The following APOLD1 variants were observed in gnomAD, a reference collection of about 807,000 sequenced individuals.
The protein encoded by APOLD1 is apolipoprotein L domain containing 1.
Under a neutral mutation model 15.3 loss-of-function variants are expected in APOLD1, and 22 were observed. That is an observed-to-expected ratio of 1.44 (90% confidence interval 1.03 to 2.05). The LOEUF (loss-of-function observed/expected upper bound fraction) is 2.05. Among genes scored for constraint, APOLD1 ranks in the 30% most tolerant of loss-of-function variants. The pLI, the probability that APOLD1 is intolerant of heterozygous loss-of-function variation, is 0.00. For missense variants in APOLD1, 394 were observed against 353.5 expected (o/e 1.11, Z -0.92); for synonymous variants, 190 against 167.4 (o/e 1.13, Z -1.04).
rs1565428826 is a variant in APOLD1, at chr12:12,746,518, C to CATAAATAA, written c.96+20429_96+20430insAATAAATA. Reference sequence around the variant, plus strand: ...TCTCAAATAAATAAATAAATAAATACATAAATACATACATACATATTGCTC... The same window carrying CATAAATAA: ...TCTCAAATAAATAAATAAATAAATACATAAATAAATAAATACATACATACATATTGCTC... On this transcript the variant is annotated intron_variant, in intron 1 of 1. Coordinates refer to the APOLD1 transcript ENST00000326765. Among the ~76,000 whole-genome samples the CATAAATAA allele has an allele frequency of 6.5e-5, 6 of 92,158 alleles. No homozygotes were observed. The East Asian group carries it at 9.6e-4, about 15-fold the overall frequency. The allele number at this position is 92,158 out of a possible 152,430, so 60.5% of individuals were successfully genotyped here. A position where few individuals can be genotyped will look rare whatever the true frequency, so the allele number is the denominator to read the frequency against.
At chr12:12,776,418 A>C (rs948557816) in intron 1 of APOLD1, among the ~76,000 whole-genome samples, 5 of 152,258 alleles carry the variant, frequency 3.3e-5, no homozygotes, top group Non-Finnish European at 5.9e-5. Context: ...GTATCCTGGA[A>C]GATAAGAGAA....
chr12:12,783,460 G>GCCA (rs1947100281), upstream of APOLD1, among the ~76,000 whole-genome samples: 1 of 151,616 alleles, frequency 6.6e-6, no homozygotes, highest in Non-Finnish European at 1.5e-5. Flanking sequence ...ACAGGAGCAC[G>GCCA]CCACCACACA....
chr12:12,730,073 TGTGTGA>T (rs1415948952), intron 1 of APOLD1, among the ~76,000 whole-genome samples: 15 of 43,964 alleles, frequency 3.4e-4, no homozygotes, highest in African/African-American at 1.8e-3. Flanking sequence ...TGTGTGTGTG[TGTGTGA>T]GAGAGAGAGA....
intron 1 of APOLD1, among the ~76,000 whole-genome samples, chr12:12,764,214 C>T (rs182966877): frequency 3.3e-5 from 5 of 152,274 alleles, no homozygotes; most frequent in African/African-American, 9.6e-5. Flanking sequence ...CCACCCATCT[C>T]GGCCTCCCAA....
chr12:12,762,350 AATTT>A (rs1019123731), intron 1 of APOLD1, among the ~76,000 whole-genome samples: 1 of 151,652 alleles, frequency 6.6e-6, no homozygotes, highest in African/African-American at 2.4e-5. Flanking sequence ...AAAATTAATT[AATTT>A]ATTTTTTATT....
chr12:12,747,088 GTTAT>G (rs1297551933), intron 1 of APOLD1, among the ~76,000 whole-genome samples: 2 of 152,116 alleles, frequency 1.3e-5, no homozygotes, highest in Admixed American at 6.5e-5. Flanking sequence ...TACTTTTTAA[GTTAT>G]TTAATTACCC....
chr12:12,747,638 T>C (rs771810674), intron 1 of APOLD1, among the ~76,000 whole-genome samples: 1 of 152,208 alleles, frequency 6.6e-6, no homozygotes, highest in Admixed American at 6.5e-5. Context: ...AGGAATAAAC[T>C]AATAATTTGA....
intron 1 of APOLD1, among the ~76,000 whole-genome samples, chr12:12,733,597 T>C (rs911260519): frequency 1.3e-5 from 2 of 152,226 alleles, no homozygotes; most frequent in Non-Finnish European, 1.5e-5. Context: ...CATGAAGGTA[T>C]TTCAATTTTT....
chr12:12,727,079 G>A (rs1332394879), intron 1 of APOLD1, among the ~76,000 whole-genome samples: 2 of 152,168 alleles, frequency 1.3e-5, no homozygotes, highest in African/African-American at 4.8e-5. Flanking sequence ...CCAGACCCCT[G>A]TGAAACTGTA....
chr12:12,757,683 A>AG, intron 1 of APOLD1, among the ~76,000 whole-genome samples: 1 of 151,990 alleles, frequency 6.6e-6, no homozygotes, highest in Non-Finnish European at 1.5e-5. Context: ...TAAAAAAAAA[A>AG]TCATTTTATT....
chr12:12,785,844 C>T, intron 1 of APOLD1, 150 bp downstream of exon 1: 4 of 768,940 alleles, frequency 5.2e-6, no homozygotes, highest in Non-Finnish European at 9.0e-6. Context: ...CTAGACTGGG[C>T]TCTGTGAAGA....
intron 1 of APOLD1, among the ~76,000 whole-genome samples, chr12:12,743,199 G>T (rs1474209652): frequency 6.6e-6 from 1 of 152,158 alleles, no homozygotes; most frequent in Non-Finnish European, 1.5e-5. Context: ...ATTGAGTGAG[G>T]GATCTCATTA....
intron 1 of APOLD1, among the ~76,000 whole-genome samples, chr12:12,747,982 G>T (rs1010153624): frequency 2.0e-5 from 3 of 152,174 alleles, no homozygotes; most frequent in Non-Finnish European, 2.9e-5. Flanking sequence ...ATGGCCTGGG[G>T]AAAACTTTGG....
chr12:12,748,782 T>A (rs1184467275), intron 1 of APOLD1, among the ~76,000 whole-genome samples: 1 of 152,212 alleles, frequency 6.6e-6, no homozygotes, highest in Non-Finnish European at 1.5e-5. Context: ...ATTGCAGCAC[T>A]GCAGTGCAGG....
In APOLD1 at chr12:12,762,976, T is replaced by C. The variant is rs558705119; in HGVS notation, c.97-23933T>C. ...GCCTGGGCAACATAGTAAGACCCTG[T>C]CTCTAAAAGAAAAATTTTAAAAGCC... On this transcript the variant is annotated intron_variant, in intron 1 of 1. Transcript: ENST00000326765. Among the ~76,000 whole-genome samples, 14 of 152,062 alleles carry C rather than the reference T, an allele frequency of 9.2e-5. No individual in the cohort carries two copies. In the South Asian group the frequency reaches 2.5e-3, roughly 27 times the overall value.
At chr12:12,738,202 C>CTTTTT (rs71436733) in intron 1 of APOLD1, among the ~76,000 whole-genome samples, 3,170 of 117,494 alleles carry the variant, frequency 0.027, 89 homozygotes, top group Non-Finnish European at 0.042. Flanking sequence ...CAAGCAAGTC[C>CTTTTT]TTTTTTTTTT....
intron 1 of APOLD1, chr12:12,726,156 CAAAAAAAAAAAAAAA>C (rs745785485): frequency 4.4e-5 from 5 of 113,672 alleles, no homozygotes; most frequent in Non-Finnish European, 8.0e-5. Flanking sequence ...TCTTCGCAAC[CAAAAAAAAAAAAAAA>C]AAAAAAAAAG....
intron 1 of APOLD1, among the ~76,000 whole-genome samples, chr12:12,746,563 T>C (rs1422245491): frequency 6.6e-6 from 1 of 151,660 alleles, no homozygotes; most frequent in East Asian, 1.9e-4. Flanking sequence ...AACATGTGCA[T>C]GACTACGTGT....
At chr12:12,735,130 A>G (rs955892714) in intron 1 of APOLD1, among the ~76,000 whole-genome samples, 6 of 152,112 alleles carry the variant, frequency 3.9e-5, no homozygotes, top group Non-Finnish European at 8.8e-5. Flanking sequence ...CTGAGCAGCC[A>G]CTTATAGTCC....
Sources: gnomAD v4.1 joint callset for allele counts (sites outside exome capture counted in the v4.1 genomes callset) on GRCh38, gnomAD v4.1.1 for gene constraint, MANE v1.5 for transcripts, NCBI Gene and HGNC (gene_info 2026-07-23, HGNC 2026-07-21) for gene names.